Variants in KIF6 observed in about 807,000 individuals in gnomAD.
The protein encoded by KIF6 is kinesin-like protein KIF6.
In KIF6, 106 loss-of-function variants were observed where a neutral mutation model predicts 112.7. The observed-to-expected ratio is 0.94, with a 90% CI of 0.80 to 1.11. The LOEUF is 1.11. Among genes scored for constraint, KIF6 ranks in the 50% least tolerant of loss-of-function variants. The pLI is 0.00. For missense variants in KIF6, 929 were observed against 964.0 expected (o/e 0.96, Z 0.48); for synonymous variants, 339 against 339.9 (o/e 1.00, Z 0.03).
chr6:39,361,558 CAAA>C (rs1242586612), intron 17 of KIF6, among the ~76,000 whole-genome samples: 12 of 44,680 alleles, frequency 2.7e-4, no homozygotes, highest in African/African-American at 4.2e-4. Flanking sequence ...GGCTCCATCT[CAAA>C]AAAAAAAAAA....
At chr6:39,449,159 T>G (rs1489332667) in intron 13 of KIF6, among the ~76,000 whole-genome samples, 1 of 152,234 alleles carries the variant, frequency 6.6e-6, no homozygotes, top group Non-Finnish European at 1.5e-5. Flanking sequence ...AGCTTCCATT[T>G]TGCCCTCCTG....
chr6:39,538,985 C>T (rs1562299557), intron 13 of KIF6, among the ~76,000 whole-genome samples: 2 of 148,224 alleles, frequency 1.3e-5, no homozygotes, highest in Non-Finnish European at 3.0e-5. Flanking sequence ...CCAAACACTG[C>T]ATGTTCTCAC....
intron 5 of KIF6, among the ~76,000 whole-genome samples, chr6:39,628,904 A>C (rs921454519): frequency 6.6e-6 from 1 of 152,050 alleles, no homozygotes; most frequent in South Asian, 2.1e-4. Context: ...CCTTTTCCAG[A>C]ATGCCATATA....
chr6:39,506,150 C>T (rs761700345), intron 13 of KIF6, among the ~76,000 whole-genome samples: 4 of 152,164 alleles, frequency 2.6e-5, no homozygotes, highest in South Asian at 2.1e-4. Flanking sequence ...GGCACATATA[C>T]ACCATGGAAT....
chr6:39,572,814 CA>C (rs1699888481), intron 10 of KIF6, among the ~76,000 whole-genome samples: 2 of 150,704 alleles, frequency 1.3e-5, no homozygotes, highest in South Asian at 4.2e-4. Flanking sequence ...CCAGCCACCC[CA>C]CCCCCCAAAA....
intron 10 of KIF6, among the ~76,000 whole-genome samples, chr6:39,550,422 G>A (rs1258022263): frequency 2.0e-5 from 3 of 152,240 alleles, no homozygotes; most frequent in Non-Finnish European, 2.9e-5. Context: ...GCCTGGTGCT[G>A]TAACTGGGGC....
intron 7 of KIF6, among the ~76,000 whole-genome samples, chr6:39,592,916 A>G (rs1782033618): frequency 1.3e-5 from 2 of 152,328 alleles, no homozygotes; most frequent in East Asian, 1.9e-4. Flanking sequence ...TGTGGAACCA[A>G]TGTAGGCTAA....
At chr6:39,539,699 C>T (rs9394606) in intron 13 of KIF6, among the ~76,000 whole-genome samples, 6,402 of 152,164 alleles carry the variant, frequency 0.042, 274 homozygotes, top group East Asian at 0.25. Flanking sequence ...TATAAATAAA[C>T]GCTGCCTCGT....
intron 3 of KIF6, among the ~76,000 whole-genome samples, chr6:39,646,123 AAT>A (rs374858139): frequency 0.044 from 6,509 of 149,494 alleles, 365 homozygotes; most frequent in African/African-American, 0.14. Context: ...GTATAAGAAA[AAT>A]ATATATATAT....
intron 5 of KIF6, among the ~76,000 whole-genome samples, chr6:39,621,216 C>T (rs891239551): frequency 7.4e-6 from 1 of 135,576 alleles, no homozygotes; most frequent in Admixed American, 7.5e-5. Context: ...CACACACACA[C>T]ACACACACAC....
rs555402168 is a variant in KIF6, at chr6:39,627,459, T to C, written c.509+7390A>G. Among the ~76,000 whole-genome samples the C allele has an allele frequency of 7.1e-4, 108 of 152,316 alleles. 1 individual carries two copies. The highest frequency in any genetic ancestry group is 7.6e-4 in the Non-Finnish European group (52 of 68,016). On this transcript the variant is annotated intron_variant, in intron 5 of 22. Coordinates refer to ENST00000287152, the MANE Select transcript of KIF6 (RefSeq NM_145027.6). ...CAAACATGGTGCCTAGCACAATGGC[T>C]GGAACAAAGTTGGGTCTCAACAAAT...
intron 10 of KIF6, among the ~76,000 whole-genome samples, chr6:39,567,965 T>A (rs1268940838): frequency 6.6e-6 from 1 of 152,090 alleles, no homozygotes; most frequent in African/African-American, 2.4e-5. Flanking sequence ...TGAGTAGAGA[T>A]CCATGTGATT....
At chr6:39,716,221 C>A (rs569321886) in intron 2 of KIF6, among the ~76,000 whole-genome samples, 30 of 152,106 alleles carry the variant, frequency 2.0e-4, no homozygotes, top group Non-Finnish European at 4.1e-4. Context: ...TTGATCTATT[C>A]ATTCCACAAA....
At chr6:39,607,038 C>A (rs1303961048) in intron 6 of KIF6, among the ~76,000 whole-genome samples, 1 of 152,084 alleles carries the variant, frequency 6.6e-6, no homozygotes, top group Non-Finnish European at 1.5e-5. Flanking sequence ...CTGAAGATGG[C>A]TTTTTTCTCC....
At chr6:39,585,974 G>A (rs1331408220) in intron 8 of KIF6, among the ~76,000 whole-genome samples, 1 of 152,142 alleles carries the variant, frequency 6.6e-6, no homozygotes, top group East Asian at 1.9e-4. Flanking sequence ...ATTTCTTTGG[G>A]TGACATTGCC....
chr6:39,460,577 AG>A (rs1773416304), intron 13 of KIF6, among the ~76,000 whole-genome samples: 1 of 146,182 alleles, frequency 6.8e-6, no homozygotes, highest in African/African-American at 2.5e-5. Context: ...AAAAGTAGCC[AG>A]GGGAAAGGCA....
At chr6:39,408,170 G>A (rs1434380782) in intron 15 of KIF6, among the ~76,000 whole-genome samples, 1 of 152,096 alleles carries the variant, frequency 6.6e-6, no homozygotes, top group Non-Finnish European at 1.5e-5. Flanking sequence ...AAACAATAAC[G>A]AAATGCCATA....
chr6:39,341,105 C>T (rs1763303521), intron 22 of KIF6, among the ~76,000 whole-genome samples: 1 of 152,144 alleles, frequency 6.6e-6, no homozygotes, highest in Non-Finnish European at 1.5e-5. Flanking sequence ...CTCCTGCTTC[C>T]CTTTAGCTCC....
At chr6:39,721,142 C>T (rs1020366025) in intron 1 of KIF6, among the ~76,000 whole-genome samples, 4 of 152,092 alleles carry the variant, frequency 2.6e-5, no homozygotes, top group Non-Finnish European at 5.9e-5. Flanking sequence ...CTAAGTATTG[C>T]TTTAGTATTG....
Sources: allele counts gnomAD v4.1 joint callset (sites outside exome capture counted in the v4.1 genomes callset), GRCh38; gene constraint gnomAD v4.1.1; transcripts MANE v1.5; gene names NCBI Gene and HGNC (gene_info 2026-07-23, HGNC 2026-07-21).